Variants in PTPRD observed in about 807,000 individuals in gnomAD.
PTPRD encodes receptor-type tyrosine-protein phosphatase delta.
PTPRD carries 34 observed loss-of-function variants against 214.5 expected under a neutral mutation model. The observed-to-expected ratio is 0.16, with a 90% CI of 0.12 to 0.21. PTPRD has a LOEUF of 0.21. Ranked by LOEUF, PTPRD falls within the 10% of genes least tolerant of loss-of-function variation. The pLI, the probability that PTPRD is intolerant of heterozygous loss-of-function variation, is 1.00. For missense variants in PTPRD, 2,545 were observed against 2,398.7 expected, an observed-to-expected ratio of 1.06 and a Z score of -1.27; for synonymous variants, 1,128 against 845.7, an observed-to-expected ratio of 1.33 and a Z score of -5.79.
intron 12 of PTPRD, among the ~76,000 whole-genome samples, chr9:8,717,761 T>C (rs910962804): frequency 6.6e-6 from 1 of 152,224 alleles, no homozygotes; most frequent in Admixed American, 6.5e-5. Flanking sequence ...TTTTATCAAG[T>C]TGAGAATCAC....
intron 12 of PTPRD, among the ~76,000 whole-genome samples, chr9:8,655,214 G>A (rs191097983): frequency 1.4e-4 from 21 of 152,274 alleles, no homozygotes; most frequent in Admixed American, 7.8e-4. Context: ...TCCTATGTAA[G>A]CAGGTTTCAC....
intron 10 of PTPRD, among the ~76,000 whole-genome samples, chr9:9,148,615 G>A (rs2099872663): frequency 1.3e-5 from 2 of 152,048 alleles, no homozygotes; most frequent in Admixed American, 1.3e-4. Context: ...GACAGATGAG[G>A]ATGAAAGGAG....
intron 9 of PTPRD, among the ~76,000 whole-genome samples, chr9:9,374,751 G>A (rs185677535): frequency 2.0e-5 from 3 of 152,278 alleles, no homozygotes; most frequent in Non-Finnish European, 4.4e-5. Context: ...CAAGGCACCA[G>A]CCTGAGAGTG....
intron 4 of PTPRD, among the ~76,000 whole-genome samples, chr9:9,952,393 C>T (rs1477317817): frequency 6.6e-6 from 1 of 152,090 alleles, no homozygotes; most frequent in Non-Finnish European, 1.5e-5. Flanking sequence ...GCATTTTTGG[C>T]AACAACCGGG....
chr9:9,718,414 T>G (rs1269270018), intron 7 of PTPRD, among the ~76,000 whole-genome samples: 1 of 152,100 alleles, frequency 6.6e-6, no homozygotes, highest in Non-Finnish European at 1.5e-5. Flanking sequence ...TGGGGCTGTG[T>G]GCTCCATGGA....
At chr9:10,239,928 A>C (rs2099641786) in intron 3 of PTPRD, among the ~76,000 whole-genome samples, 2 of 151,718 alleles carry the variant, frequency 1.3e-5, no homozygotes, top group Admixed American at 1.3e-4. Flanking sequence ...AAACCTAAAA[A>C]TATTACTCTA....
chr9:10,104,672 G>A (rs1456148416), intron 3 of PTPRD, among the ~76,000 whole-genome samples: 1 of 151,748 alleles, frequency 6.6e-6, no homozygotes, highest in East Asian at 1.9e-4. Flanking sequence ...TAAAACGCCA[G>A]TACTTATAAA....
chr9:8,621,700 G>A (rs551544813), intron 14 of PTPRD, among the ~76,000 whole-genome samples: 1 of 151,770 alleles, frequency 6.6e-6, no homozygotes, highest in East Asian at 2.0e-4. Flanking sequence ...TAAGATTAAT[G>A]GGACCCATAG....
At chr9:10,244,227 A>G (rs1015197381) in intron 3 of PTPRD, among the ~76,000 whole-genome samples, 13 of 152,094 alleles carry the variant, frequency 8.5e-5, no homozygotes, top group Non-Finnish European at 1.6e-4. Flanking sequence ...ATTCTTTTAC[A>G]TCAAACATAC....
At chr9:9,728,498 T>C (rs901702270) in intron 7 of PTPRD, among the ~76,000 whole-genome samples, 1 of 152,176 alleles carries the variant, frequency 6.6e-6, no homozygotes, top group African/African-American at 2.4e-5. Context: ...GCATTTAAAT[T>C]ACTATGGATC....
chr9:8,697,522 A>G (rs2097947567), intron 12 of PTPRD, among the ~76,000 whole-genome samples: 1 of 145,980 alleles, frequency 6.9e-6, no homozygotes, highest in Non-Finnish European at 1.5e-5. Context: ...TCCCAGGTTC[A>G]AGCAATGCTC....
chr9:9,787,144 T>TAAA (rs55842517), intron 5 of PTPRD, among the ~76,000 whole-genome samples: 1 of 148,062 alleles, frequency 6.8e-6, no homozygotes, highest in Non-Finnish European at 1.5e-5. Context: ...CTCAATTTAA[T>TAAA]AAAAAAAAAA....
chr9:9,829,324 C>A (rs1397668135), intron 5 of PTPRD, among the ~76,000 whole-genome samples: 1 of 151,684 alleles, frequency 6.6e-6, no homozygotes, highest in African/African-American at 2.4e-5. Context: ...AAGAACTGAT[C>A]TGTGATAAAT....
At chr9:10,586,032 T>A (rs1458852358) in intron 2 of PTPRD, among the ~76,000 whole-genome samples, 1 of 152,070 alleles carries the variant, frequency 6.6e-6, no homozygotes, top group East Asian at 1.9e-4. Context: ...AAATTCATAC[T>A]TAATATATTT....
At chr9:10,533,021 C>A (rs1435302690) in intron 2 of PTPRD, among the ~76,000 whole-genome samples, 3 of 152,012 alleles carry the variant, frequency 2.0e-5, no homozygotes, top group African/African-American at 7.2e-5. Flanking sequence ...TAGATTAATG[C>A]CCTCTAATGC....
At chr9:9,344,474 T>C (rs1007250595) in intron 9 of PTPRD, among the ~76,000 whole-genome samples, 1 of 151,672 alleles carries the variant, frequency 6.6e-6, no homozygotes, top group Non-Finnish European at 1.5e-5. Context: ...AGCACATGTA[T>C]CCCAGAACTT....
chr9:9,816,113 C>A (rs1022944151), intron 5 of PTPRD, among the ~76,000 whole-genome samples: 3 of 152,162 alleles, frequency 2.0e-5, no homozygotes, highest in Admixed American at 6.5e-5. Flanking sequence ...ATATACTACA[C>A]CTTAAATTAT....
At chr9:10,423,132 A>G (rs911339514) in intron 2 of PTPRD, among the ~76,000 whole-genome samples, 1 of 152,100 alleles carries the variant, frequency 6.6e-6, no homozygotes, top group Non-Finnish European at 1.5e-5. Flanking sequence ...GCCATAAAAA[A>G]GGATGAATTC....
intron 2 of PTPRD, among the ~76,000 whole-genome samples, chr9:10,547,770 G>GCTAACAC (rs1438076698): frequency 6.6e-6 from 1 of 151,954 alleles, no homozygotes; most frequent in African/African-American, 2.4e-5. Flanking sequence ...GGTGGAAGAT[G>GCTAACAC]CTAAGCAATG....
Sources: allele counts gnomAD v4.1 joint callset (sites outside exome capture counted in the v4.1 genomes callset), GRCh38; gene constraint gnomAD v4.1.1; transcripts MANE v1.5; gene names NCBI Gene and HGNC (gene_info 2026-07-23, HGNC 2026-07-21).